Variants in CFAP46 observed in about 807,000 individuals in gnomAD.
The protein encoded by CFAP46 is cilia and flagella associated protein 46.
A neutral mutation model predicts 325.7 loss-of-function variants in CFAP46; 245 were observed. That is an observed-to-expected ratio of 0.75 (90% CI 0.68 to 0.84). CFAP46 has a LOEUF of 0.84. Ranked by LOEUF, CFAP46 falls within the 40% of genes least tolerant of loss-of-function variation. The probability of loss-of-function intolerance (pLI) is 0.00; values close to 1 mark genes in which losing one functional copy is unlikely to be tolerated. For synonymous variants in CFAP46, 1,523 were observed against 1,495.9 expected (o/e 1.02, Z -0.42); for missense variants, 3,346 against 3,543.0 (o/e 0.94, Z 1.41).
intron 43 of CFAP46, 70 bp from the exon 44 acceptor site, chr10:132,846,297 G>A (rs1487331732): frequency 6.6e-7 from 1 of 1,520,254 alleles, no homozygotes; most frequent in Admixed American, 2.0e-5. Context: ...CCCTGCGGAG[G>A]GTGCGCAGCA....
intron 31 of CFAP46, among the ~76,000 whole-genome samples, chr10:132,874,999 G>T (rs139779940): frequency 0.015 from 2,258 of 152,286 alleles, 25 homozygotes; most frequent in South Asian, 0.035. Context: ...AAACGATGAT[G>T]TACACACAAA....
rs540498957 is a variant in CFAP46, at chr10:132,922,644, G to A, written c.1321C>T (p.Arg441Trp). The stretch of plus-strand genomic sequence containing the variant: ...AGGTGCTCCGTGGCGGGCTCCAGCC[G>A]GTCCTCGTCCTCCTCGATCTGCGCC... ...EMAQIEEDED[R>W]LEPATEHLRK... is the part of the protein sequence containing the mutation. The change falls in exon 12 of 58, where the codon CGG becomes TGG. Residue 441 changes from arginine (R) to tryptophan (W), a missense_variant. Coordinates refer to ENST00000368586, the MANE Select transcript of CFAP46 (RefSeq NM_001200049.3). 49 of 1,549,902 alleles carry A rather than the reference G, an allele frequency of 3.2e-5. No individual in the cohort carries two copies. Among genetic ancestry groups the A allele is most frequent in the African/African-American group, 2.7e-4 (20 of 73,174 alleles).
Position 132,941,040 on chromosome 10 carries a change from C to G in CFAP46, c.327G>C (p.Val109=). 6.2e-7 allele frequency: 1 copy of G among 1,614,170 alleles called. No homozygotes were observed. Among genetic ancestry groups the G allele is most frequent in the Non-Finnish European group, 8.5e-7 (1 of 1,180,024 alleles). ...AGTTTATGGCCTTCATGTACTCAGT[C>G]ACGCAATTTTCAAATTCCTCCTAAG... The part of the protein sequence containing the change: ...AENLEEFENC[V]TEYMKAINFA... Residue 109 remains valine, a synonymous_variant, in exon 4 of 58, where the codon GTG becomes GTC. Transcript: ENST00000368586.
At position 132,808,803 on chromosome 10, in the gene CFAP46, C is replaced by G. The variant is rs1847518486; in HGVS notation, c.7766G>C (p.Ser2589Thr). Residue 2589 changes from serine to threonine, a missense_variant, in exon 58 of 58, where the codon AGC becomes ACC. Ser to Thr is a moderately conservative substitution (Grantham distance 58). Transcript: ENST00000368586. This position sits in a 1 kb window ranked among gnomAD's most constrained non-coding sequence, Gnocchi z 6.8. ...QLGPVWAAAP[S>T]HRVVQAWTCL... ...GGTCCAGGCCTGCACTACCCGATGG[C>G]TTGGTGCGGCAGCCCATACAGGACC... The G allele has an allele frequency of 6.2e-7, 1 of 1,607,020 alleles. No individual in the cohort carries two copies. Among genetic ancestry groups the G allele is most frequent in the East Asian group, 2.2e-5 (1 of 44,654 alleles).
At chr10:132,866,231 C>T (rs573150669) in intron 34 of CFAP46, 60 bp from the exon 35 acceptor site, 47 of 1,421,496 alleles carry the variant, frequency 3.3e-5, no homozygotes, top group Non-Finnish European at 4.2e-5. Flanking sequence ...CTGAGTCTCA[C>T]GGGACAGGCT....
intron 10 of CFAP46, among the ~76,000 whole-genome samples, chr10:132,926,086 C>A (rs1036760938): frequency 6.6e-6 from 1 of 152,260 alleles, no homozygotes; most frequent in Non-Finnish European, 1.5e-5. Flanking sequence ...ATTCCAGAGC[C>A]TGTCGTCTCA....
chr10:132,857,439 T>G (rs989965125), intron 39 of CFAP46, 151 bp downstream of exon 39: 7 of 734,318 alleles, frequency 9.5e-6, no homozygotes, highest in Non-Finnish European at 1.5e-5. Flanking sequence ...ACTGTTTGTT[T>G]TTTTGTTGTT....
chr10:132,821,000 A>T (rs1410180421), intron 50 of CFAP46, among the ~76,000 whole-genome samples: 3 of 70,154 alleles, frequency 4.3e-5, no homozygotes, highest in Admixed American at 1.8e-4. Context: ...GTGTGTGCTG[A>T]TGTGTGCTGT....
At chr10:132,904,642 C>T (rs57206624) in intron 22 of CFAP46, among the ~76,000 whole-genome samples, 1 of 152,232 alleles carries the variant, frequency 6.6e-6, no homozygotes, top group Non-Finnish European at 1.5e-5. Flanking sequence ...GTGTGCCGCT[C>T]TGCCCTCCAC....
chr10:132,914,098 G>A (rs1306995742), intron 17 of CFAP46, among the ~76,000 whole-genome samples: 7 of 96,406 alleles, frequency 7.3e-5, no homozygotes, highest in Admixed American at 3.1e-4. Flanking sequence ...ACCCCGGCCC[G>A]AGGCTGTGTC....
chr10:132,864,896 C>T (rs917672209), intron 35 of CFAP46, among the ~76,000 whole-genome samples: 4 of 146,080 alleles, frequency 2.7e-5, no homozygotes, highest in Admixed American at 2.7e-4. Flanking sequence ...CCTGCACACA[C>T]CTGCCCTCAG....
chr10:132,871,796 G>A (rs1446714485), intron 32 of CFAP46, among the ~76,000 whole-genome samples: 1 of 152,230 alleles, frequency 6.6e-6, no homozygotes, highest in Non-Finnish European at 1.5e-5. Context: ...AAGGGACCTA[G>A]AATATTCCAT....
In CFAP46 at chr10:132,850,349, C is replaced by T. The variant is rs180766727; in HGVS notation, c.5847G>A (p.Val1949=). 58 of 1,561,132 alleles carry T rather than the reference C, an allele frequency of 3.7e-5. No individual in the cohort carries two copies. In the East Asian group the frequency reaches 1.3e-3, roughly 36 times the overall value. The part of the protein sequence containing the change: ...GSLQPLSVGC[V]EIRARLLGLA... ...GGCCCAGGAGCCGGGCGCGGATCTC[C>T]ACACAGCCCACGCTCAGCGGCTGCA... The change falls in exon 41 of 58, where the codon GTG becomes GTA. Residue 1949 remains valine (V), a synonymous_variant. Coordinates refer to ENST00000368586, the MANE Select transcript of CFAP46 (RefSeq NM_001200049.3).
chr10:132,929,879 TC>T, intron 8 of CFAP46, 75 bp from the exon 9 acceptor site: 2 of 1,017,352 alleles, frequency 2.0e-6, no homozygotes, highest in Non-Finnish European at 1.5e-6. Flanking sequence ...AGAATCCATG[TC>T]CCCCGTTCAA....
intron 39 of CFAP46, among the ~76,000 whole-genome samples, chr10:132,853,092 GA>G (rs34577402): frequency 0.36 from 54,835 of 151,982 alleles, 10,694 homozygotes; most frequent in Admixed American, 0.52. Flanking sequence ...TGTCAACACG[GA>G]ACACAGGTGA....
rs976838314 is a variant in CFAP46, at chr10:132,833,602, G to C, written c.6950-77C>G. ...ACGGGGTCGCAGGGCTCCGTCTTCT[G>C]ACTTGGCTGCTGGGCGCTGGGAAAG... is the stretch of plus-strand genomic sequence containing the variant. On this transcript the variant is annotated intron_variant, in intron 49 of 57. Transcript: ENST00000368586. 19 of 1,500,486 alleles carry C rather than the reference G, an allele frequency of 1.3e-5. No homozygotes were observed. The Admixed American group carries it at 3.7e-4, about 29-fold the overall frequency. The allele number at this position is 1,500,486 out of a possible 1,614,324, so 92.9% of individuals were successfully genotyped here. A position where few individuals can be genotyped will look rare whatever the true frequency, so the allele number is the denominator to read the frequency against.
chr10:132,847,561 G>A lies in CFAP46; in HGVS notation c.5953-240C>T, dbSNP rs1257071774. ...GCTGGAGCCTGGGCGAGGGGATGCT[G>A]CAGCCAGGGTGAGGACGCAGACCCC... is the stretch of plus-strand genomic sequence containing the variant. On this transcript the variant is annotated intron_variant, in intron 41 of 57. Transcript: ENST00000368586. This position sits in a 1 kb window ranked among gnomAD's most constrained non-coding sequence, Gnocchi z 5.2. Among the ~76,000 whole-genome samples, 1 of 152,046 alleles carries A rather than the reference G, an allele frequency of 6.6e-6. No individual in the cohort carries two copies. The highest frequency in any genetic ancestry group is 2.4e-5 in the African/African-American group (1 of 41,406).
intron 39 of CFAP46, among the ~76,000 whole-genome samples, chr10:132,852,129 T>C (rs1848562927): frequency 7.2e-6 from 1 of 138,666 alleles, no homozygotes; most frequent in Non-Finnish European, 1.6e-5. Context: ...ACTTAGGAAT[T>C]CTCAGATCCT....
At position 132,859,818 on chromosome 10, in the gene CFAP46, G is replaced by A. The variant is rs913845932; in HGVS notation, c.5199-571C>T. 4.6e-5 allele frequency among the ~76,000 whole-genome samples: 7 copies of A among 152,330 alleles called. 1 individual carries two copies. The highest frequency in any genetic ancestry group is 2.1e-4 in the South Asian group (1 of 4,826). On this transcript the variant is annotated intron_variant, in intron 37 of 57. Coordinates refer to ENST00000368586, the MANE Select transcript of CFAP46 (RefSeq NM_001200049.3). ...CCAGCTCCTTGAAAAGGTCTGCTGC[G>A]TTGGAGCCTGTGATTCTGATTTAGA...
Sources: allele counts gnomAD v4.1 joint callset (sites outside exome capture counted in the v4.1 genomes callset), GRCh38; gene constraint gnomAD v4.1.1; non-coding constraint Gnocchi (gnomAD v3.1); transcripts MANE v1.5; gene names NCBI Gene and HGNC (gene_info 2026-07-23, HGNC 2026-07-21).